Variants in PSMB2 observed in about 807,000 individuals in gnomAD.
PSMB2 encodes proteasome 20S subunit beta 2, also known as proteasome subunit beta type-2.
PSMB2 carries 13 observed loss-of-function variants against 25.7 expected under a neutral mutation model. The observed-to-expected ratio is 0.51, with a 90% CI of 0.33 to 0.80. The LOEUF (loss-of-function observed/expected upper bound fraction) is 0.80. Ranked by LOEUF, PSMB2 falls within the 30% of genes least tolerant of loss-of-function variation. The probability of loss-of-function intolerance (pLI) is 0.02; values close to 1 mark genes in which losing one functional copy is unlikely to be tolerated. For missense variants in PSMB2, 202 were observed against 259.0 expected (o/e 0.78, Z 1.51); for synonymous variants, 87 against 96.2 (o/e 0.90, Z 0.56).
At chr1:35,628,592 AAAAAATATATATATAT>A (rs1426401560) in intron 3 of PSMB2, among the ~76,000 whole-genome samples, 296 of 19,024 alleles carry the variant, frequency 0.016, no homozygotes, top group Non-Finnish European at 0.021. Context: ...AAAAAAAAAA[AAAAAATATATATATAT>A]ATATATATAT....
intron 3 of PSMB2, among the ~76,000 whole-genome samples, chr1:35,616,770 C>T (rs1276154922): frequency 6.6e-6 from 1 of 152,094 alleles, no homozygotes; most frequent in Non-Finnish European, 1.5e-5. Flanking sequence ...GTTCTGAACT[C>T]TGGACTTTGT....
At chr1:35,622,672 G>A (rs1162635921) in intron 3 of PSMB2, among the ~76,000 whole-genome samples, 1 of 151,902 alleles carries the variant, frequency 6.6e-6, no homozygotes, top group Non-Finnish European at 1.5e-5. Flanking sequence ...ATCCAACAGG[G>A]TAGCACATAT....
rs1649982273 is a variant in PSMB2, at chr1:35,601,156, T to G, written c.*2111A>C. On this transcript the variant is annotated 3_prime_UTR_variant, in exon 6 of 6. Coordinates refer to ENST00000373237, the MANE Select transcript of PSMB2 (RefSeq NM_002794.5). ...ATCTCGGCTCACTGCAACCTCCCTCTCCCGGGCTCAAGCAATTCTCCTGCC... is the reference window on the plus strand; with the variant it reads ...ATCTCGGCTCACTGCAACCTCCCTCGCCCGGGCTCAAGCAATTCTCCTGCC... 1.3e-6 allele frequency: 1 copy of G among 751,062 alleles called. No homozygotes were observed. The highest frequency in any genetic ancestry group is 1.6e-6 in the Non-Finnish European group (1 of 630,196). The allele number at this position is 751,062 out of a possible 1,614,324, so 46.5% of individuals were successfully genotyped here.
intron 4 of PSMB2, among the ~76,000 whole-genome samples, chr1:35,607,008 A>G (rs1423525279): frequency 6.6e-6 from 1 of 152,218 alleles, no homozygotes; most frequent in East Asian, 1.9e-4. Context: ...TACACAGAAG[A>G]ATGAAACCAG....
intron 4 of PSMB2, 69 bp from the exon 5 acceptor site, chr1:35,605,351 T>C: frequency 6.7e-7 from 1 of 1,496,554 alleles, no homozygotes; most frequent in Non-Finnish European, 9.3e-7. Context: ...AAGCTTTTGA[T>C]TAAGTTCCAA....
At chr1:35,629,313 G>A (rs1005105025) in intron 3 of PSMB2, among the ~76,000 whole-genome samples, 2 of 152,140 alleles carry the variant, frequency 1.3e-5, no homozygotes, top group Admixed American at 6.5e-5. Flanking sequence ...CTGTGGGAAG[G>A]GAATAACACA....
chr1:35,625,929 T>C lies in PSMB2; in HGVS notation c.285+5345A>G, dbSNP rs568874842. On this transcript the variant is annotated intron_variant, in intron 3 of 5. Coordinates refer to ENST00000373237, the MANE Select transcript of PSMB2 (RefSeq NM_002794.5). The stretch of plus-strand genomic sequence containing the variant: ...TCAGCTCACTGCAACCTCCACCTTC[T>C]GGGTTCAAGCTATTCTCCTGCGTCA... Among the ~76,000 whole-genome samples the C allele has an allele frequency of 1.3e-4, 19 of 151,998 alleles. No homozygotes were observed. The South Asian group carries it at 4.0e-3, about 32-fold the overall frequency.
Position 35,624,268 on chromosome 1 carries a change from T to C in PSMB2, c.285+7006A>G, listed in dbSNP as rs1044198844. ...GGGCTGGAACAAACCCTAAAAACCA[T>C]CCAATCAAATGCTTGCTTTCTCCCA... On this transcript the variant is annotated intron_variant, in intron 3 of 5. Transcript: ENST00000373237. Among the ~76,000 whole-genome samples the C allele has an allele frequency of 4.6e-5, 7 of 152,324 alleles. No individual in the cohort carries two copies. The South Asian group carries it at 1.2e-3, about 27-fold the overall frequency.
chr1:35,619,191 T>A (rs1650601755), intron 3 of PSMB2, among the ~76,000 whole-genome samples: 1 of 152,254 alleles, frequency 6.6e-6, no homozygotes, highest in African/African-American at 2.4e-5. Flanking sequence ...TTAGCTCATG[T>A]TCAAATGTTT....
intron 1 of PSMB2, among the ~76,000 whole-genome samples, chr1:35,636,638 C>CT: frequency 6.6e-6 from 1 of 151,698 alleles, no homozygotes; most frequent in African/African-American, 2.4e-5. Context: ...CATGTACTGA[C>CT]TTTTTTTCTG....
rs145398270 is a variant in PSMB2, at chr1:35,640,127, A to G, written c.91+1215T>C. Among the ~76,000 whole-genome samples, 1,017 of 151,406 alleles carry G rather than the reference A, an allele frequency of 6.7e-3. 15 individuals are homozygous for G. Among genetic ancestry groups the G allele is most frequent in the African/African-American group, 0.02 (842 of 41,104 alleles). ...ATCTATACTAAATTACTCAATACAT[A>G]ATTTTAAGAAGATTTTGGTTGTTTT... On this transcript the variant is annotated intron_variant, in intron 1 of 5. Coordinates refer to ENST00000373237, the MANE Select transcript of PSMB2 (RefSeq NM_002794.5).
chr1:35,624,909 A>C (rs1039783145), intron 3 of PSMB2, among the ~76,000 whole-genome samples: 4 of 152,068 alleles, frequency 2.6e-5, no homozygotes, highest in African/African-American at 7.2e-5. Flanking sequence ...AAAAATACAC[A>C]AATTAGCCAG....
chr1:35,640,666 C>A (rs569373503), intron 1 of PSMB2, among the ~76,000 whole-genome samples: 14 of 150,394 alleles, frequency 9.3e-5, no homozygotes, highest in Middle Eastern at 3.4e-3. Context: ...ATCTAGAGAG[C>A]CAGTCCCACA....
chr1:35,622,400 A>G (rs150922926), intron 3 of PSMB2, among the ~76,000 whole-genome samples: 121 of 152,338 alleles, frequency 7.9e-4, no homozygotes, highest in African/African-American at 2.8e-3. Context: ...TTTTAAAAGT[A>G]AAAGCACATT....
rs1163061850 is a variant in PSMB2 at position 35,635,828 on chromosome 1, CAAAAAAA to C, written c.214+475_214+481del. Among the ~76,000 whole-genome samples, 55 of 34,252 alleles carry C rather than the reference CAAAAAAA, an allele frequency of 1.6e-3. No homozygotes were observed. The Middle Eastern group carries it at 0.034, about 21-fold the overall frequency. 22.5% of individuals were successfully genotyped at this position (34,252 alleles called of 152,430 possible). ...TGGGCAACAGAGCGAGACTCCGTCT[CAAAAAAA>C]AAAAAAAAAAAAAAAAAGAAAATAT... is the stretch of plus-strand genomic sequence containing the variant. On this transcript the variant is annotated intron_variant, in intron 2 of 5. Coordinates refer to ENST00000373237, the MANE Select transcript of PSMB2 (RefSeq NM_002794.5).
At chr1:35,617,647 G>A (rs1399651332) in intron 3 of PSMB2, among the ~76,000 whole-genome samples, 1 of 152,162 alleles carries the variant, frequency 6.6e-6, no homozygotes. Context: ...GCACTCATAA[G>A]GTAGATGTGG....
At chr1:35,607,629 A>C (rs114066445) in intron 4 of PSMB2, among the ~76,000 whole-genome samples, 2,288 of 152,328 alleles carry the variant, frequency 0.015, 54 homozygotes, top group African/African-American at 0.052. Context: ...GGTCCCTCAA[A>C]AAACTACAAA....
rs60442460 is a variant in PSMB2, at chr1:35,641,322, C to A, written c.91+20G>T. On this transcript the variant is annotated intron_variant, in intron 1 of 5. Coordinates refer to ENST00000373237, the MANE Select transcript of PSMB2 (RefSeq NM_002794.5). ...CTCCTACACCCCAGGCCTGGCCGGG[C>A]CTCCCCTGCTTCCTCTCACCGTCCT... 2.2e-3 allele frequency: 3,547 copies of A among 1,614,020 alleles called. 68 individuals are homozygous for A. In the African/African-American group the frequency reaches 0.042, roughly 19 times the overall value.
intron 3 of PSMB2, among the ~76,000 whole-genome samples, chr1:35,613,775 C>T (rs1175566896): frequency 6.6e-6 from 1 of 152,148 alleles, no homozygotes; most frequent in Non-Finnish European, 1.5e-5. Context: ...AAGAGTTGGG[C>T]TGTGACTTTA....
Sources: allele counts gnomAD v4.1 joint callset (sites outside exome capture counted in the v4.1 genomes callset), GRCh38; gene constraint gnomAD v4.1.1; transcripts MANE v1.5; gene names NCBI Gene and HGNC (gene_info 2026-07-23, HGNC 2026-07-21).